Variants in MAPK10 observed in about 807,000 individuals in gnomAD.
The protein encoded by MAPK10 is JNK3 alpha protein kinase.
Under a neutral mutation model 59.3 loss-of-function variants are expected in MAPK10, and 25 were observed. That is an observed-to-expected ratio of 0.42 (90% CI 0.31 to 0.59). MAPK10 has a LOEUF of 0.59. Ranked by LOEUF, MAPK10 falls within the 20% of genes least tolerant of loss-of-function variation. MAPK10 has a pLI of 0.15. For missense variants in MAPK10, 351 were observed against 568.9 expected (o/e 0.62, Z 3.90); for synonymous variants, 190 against 200.5 (o/e 0.95, Z 0.44).
At chr4:86,109,660 T>C (rs1366610054) in intron 4 of MAPK10, among the ~76,000 whole-genome samples, 3 of 152,226 alleles carry the variant, frequency 2.0e-5, no homozygotes, top group African/African-American at 7.2e-5. Context: ...GTTGATTCCA[T>C]GTCTTTGCTA....
intron 11 of MAPK10, among the ~76,000 whole-genome samples, chr4:86,046,998 G>C (rs1027695829): frequency 2.0e-5 from 3 of 152,068 alleles, no homozygotes; most frequent in Admixed American, 6.6e-5. Flanking sequence ...TAAGAGGCTA[G>C]AGTGTAACAG....
At chr4:86,218,306 G>A (rs970456813) in intron 2 of MAPK10, among the ~76,000 whole-genome samples, 3 of 151,820 alleles carry the variant, frequency 2.0e-5, no homozygotes, top group Admixed American at 6.6e-5. Context: ...TCAGCCTCCC[G>A]AGTGGCTGGG....
At chr4:86,448,919 G>T (rs1333169538) in intron 1 of MAPK10, among the ~76,000 whole-genome samples, 1 of 152,186 alleles carries the variant, frequency 6.6e-6, no homozygotes, top group African/African-American at 2.4e-5. Context: ...TCAGGCATTA[G>T]ATTCTTATAG....
intron 4 of MAPK10, among the ~76,000 whole-genome samples, chr4:86,132,816 A>G (rs1259188931): frequency 1.3e-5 from 2 of 152,212 alleles, no homozygotes; most frequent in Non-Finnish European, 2.9e-5. Flanking sequence ...ACTGTCTCCT[A>G]TAACCTCAGA....
intron 5 of MAPK10, among the ~76,000 whole-genome samples, chr4:86,104,840 C>T (rs190714142): frequency 1.6e-4 from 25 of 152,070 alleles, no homozygotes; most frequent in African/African-American, 4.8e-4. Flanking sequence ...TTTTACTCTT[C>T]GAGAATTTCT....
At chr4:86,021,976 C>T (rs893942996) in intron 13 of MAPK10, among the ~76,000 whole-genome samples, 18 of 152,226 alleles carry the variant, frequency 1.2e-4, no homozygotes, top group African/African-American at 3.4e-4. Flanking sequence ...CCCGGGTTCC[C>T]GCTCGTGCCT....
At chr4:86,387,764 T>A (rs1257870435) in intron 1 of MAPK10, among the ~76,000 whole-genome samples, 1 of 152,170 alleles carries the variant, frequency 6.6e-6, no homozygotes, top group East Asian at 1.9e-4. Flanking sequence ...GACGTTTTTT[T>A]CAAGTAGTGA....
chr4:86,379,301 T>A (rs531373955), intron 1 of MAPK10, among the ~76,000 whole-genome samples: 53 of 152,336 alleles, frequency 3.5e-4, no homozygotes, highest in Non-Finnish European at 6.2e-4. Flanking sequence ...ATTGTAGAAA[T>A]CATTTTGCAT....
chr4:86,289,332 G>A (rs773291627), intron 2 of MAPK10, among the ~76,000 whole-genome samples: 1 of 152,092 alleles, frequency 6.6e-6, no homozygotes, highest in Non-Finnish European at 1.5e-5. Context: ...GCTTCTGAAG[G>A]ATGCAAAATC....
intron 13 of MAPK10, among the ~76,000 whole-genome samples, chr4:86,021,726 G>C (rs113084291): frequency 6.6e-6 from 1 of 152,246 alleles, no homozygotes; most frequent in African/African-American, 2.4e-5. Context: ...CAGGCATGGC[G>C]GGCTGCAGGT....
At chr4:86,499,293 G>A (rs944651802) in intron 1 of MAPK10, among the ~76,000 whole-genome samples, 1 of 152,114 alleles carries the variant, frequency 6.6e-6, no homozygotes, top group African/African-American at 2.4e-5. Context: ...ACAGTTCAGA[G>A]GAGATTTACA....
intron 1 of MAPK10, among the ~76,000 whole-genome samples, chr4:86,525,032 T>C (rs1757374613): frequency 6.6e-6 from 1 of 151,110 alleles, no homozygotes; most frequent in Non-Finnish European, 1.5e-5. Context: ...GCATGATGGC[T>C]CATGCCTGTA....
At chr4:86,122,318 C>A (rs1000735574) in intron 4 of MAPK10, among the ~76,000 whole-genome samples, 1 of 152,100 alleles carries the variant, frequency 6.6e-6, no homozygotes, top group South Asian at 2.1e-4. Flanking sequence ...TATATTTTGG[C>A]TCTCCAGAAA....
In MAPK10 at chr4:86,012,143, T is replaced by C. The variant is rs1741518899; in HGVS notation, c.*5085A>G. On this transcript the variant is annotated 3_prime_UTR_variant, in exon 14 of 14. Transcript: ENST00000641462. ...TTTTTTTCTTCATTGATTTTATACC[T>C]TAAAAAGAAATTACTGAATTGCAGA... 6.6e-6 allele frequency: 1 copy of C among 152,162 alleles called. No homozygotes were observed. Among genetic ancestry groups the C allele is most frequent in the Non-Finnish European group, 1.5e-5 (1 of 68,016 alleles). 9.4% of individuals were successfully genotyped at this position (152,162 alleles called of 1,614,324 possible).
At chr4:86,370,796 C>A (rs897362949) in intron 1 of MAPK10, 2 of 152,102 alleles carry the variant, frequency 1.3e-5, no homozygotes, top group Admixed American at 1.3e-4. Context: ...AGATGTTGGG[C>A]AGATAGTGGC....
intron 1 of MAPK10, among the ~76,000 whole-genome samples, chr4:86,571,531 C>A (rs1295741745): frequency 6.6e-6 from 1 of 151,790 alleles, no homozygotes; most frequent in Non-Finnish European, 1.5e-5. Flanking sequence ...GGTTAAAAAC[C>A]GGAAAGCATA....
At chr4:86,547,277 C>G (rs2149097966) in intron 1 of MAPK10, among the ~76,000 whole-genome samples, 1 of 152,316 alleles carries the variant, frequency 6.6e-6, no homozygotes, top group Non-Finnish European at 1.5e-5. Flanking sequence ...CTGGGCTGGC[C>G]AAGGCCGGAG....
chr4:86,188,005 G>C (rs1256068520), intron 3 of MAPK10, among the ~76,000 whole-genome samples: 1 of 152,140 alleles, frequency 6.6e-6, no homozygotes, highest in Non-Finnish European at 1.5e-5. Flanking sequence ...TGGGATGTTT[G>C]GCTTTCTGTT....
chr4:86,038,980 G>C (rs916664652), intron 11 of MAPK10, among the ~76,000 whole-genome samples: 6 of 152,132 alleles, frequency 3.9e-5, no homozygotes. Context: ...GGCATTTTGT[G>C]ATGTACTATC....
Sources: allele counts gnomAD v4.1 joint callset (sites outside exome capture counted in the v4.1 genomes callset), GRCh38; gene constraint gnomAD v4.1.1; transcripts MANE v1.5; gene names NCBI Gene and HGNC (gene_info 2026-07-23, HGNC 2026-07-21).